Variants in CNTNAP4 observed in about 807,000 individuals in gnomAD.
The protein encoded by CNTNAP4 is contactin-associated protein-like 4.
Under a neutral mutation model 148.4 loss-of-function variants are expected in CNTNAP4, and 98 were observed. The ratio of observed to expected loss-of-function variants is 0.66; its 90% CI spans 0.56 to 0.78. The LOEUF is 0.78. Among genes scored for constraint, CNTNAP4 ranks in the 30% least tolerant of loss-of-function variants. CNTNAP4 has a pLI of 0.00. For missense variants in CNTNAP4, 1,935 were observed against 1,565.6 expected, an observed-to-expected ratio of 1.24 and a Z score of -3.98; for synonymous variants, 730 against 565.1, an observed-to-expected ratio of 1.29 and a Z score of -4.14.
intron 2 of CNTNAP4, among the ~76,000 whole-genome samples, chr16:76,333,779 G>GTTTTTTTTTT (rs549878036): frequency 4.4e-5 from 2 of 45,616 alleles, no homozygotes; most frequent in Non-Finnish European, 4.3e-5. Flanking sequence ...TGGGTTATAG[G>GTTTTTTTTTT]TTTTTTTTTT....
chr16:76,482,184 C>T (rs1470276047), intron 12 of CNTNAP4, among the ~76,000 whole-genome samples: 3 of 151,838 alleles, frequency 2.0e-5, no homozygotes, highest in Non-Finnish European at 4.4e-5. Context: ...ATTTCAGTAT[C>T]TTAATTGTAT....
intron 2 of CNTNAP4, among the ~76,000 whole-genome samples, chr16:76,323,937 CT>C (rs1326589799): frequency 1.3e-5 from 2 of 152,128 alleles, no homozygotes; most frequent in Non-Finnish European, 2.9e-5. Flanking sequence ...TTTTTACCCC[CT>C]GGGTAGAGGA....
At chr16:76,500,531 T>A (rs1208138176) in intron 15 of CNTNAP4, among the ~76,000 whole-genome samples, 3 of 152,110 alleles carry the variant, frequency 2.0e-5, no homozygotes, top group Non-Finnish European at 2.9e-5. Context: ...CTGTTAGGCC[T>A]GGGATGAAAT....
At chr16:76,306,890 T>C (rs1960532662) in intron 1 of CNTNAP4, among the ~76,000 whole-genome samples, 1 of 152,200 alleles carries the variant, frequency 6.6e-6, no homozygotes, top group Non-Finnish European at 1.5e-5. Context: ...CTGCACTTTA[T>C]AGGCAGAGGT....
At chr16:76,502,559 A>T (rs1186610831) in intron 15 of CNTNAP4, among the ~76,000 whole-genome samples, 2 of 152,174 alleles carry the variant, frequency 1.3e-5, no homozygotes, top group African/African-American at 4.8e-5. Flanking sequence ...TTCAGTTGAA[A>T]GCCTGATGAT....
intron 3 of CNTNAP4, among the ~76,000 whole-genome samples, chr16:76,365,093 G>A (rs201476378): frequency 5.9e-5 from 9 of 152,080 alleles, no homozygotes; most frequent in Non-Finnish European, 1.2e-4. Context: ...TTCTGCATAC[G>A]GCTAGCCAGT....
chr16:76,295,228 G>A (rs746229001), intron 1 of CNTNAP4, among the ~76,000 whole-genome samples: 10 of 152,110 alleles, frequency 6.6e-5, no homozygotes, highest in Non-Finnish European at 1.0e-4. Flanking sequence ...GAAAGAAGGC[G>A]GAAACACATG....
intron 1 of CNTNAP4, among the ~76,000 whole-genome samples, chr16:76,288,447 T>G (rs1397530008): frequency 2.0e-5 from 3 of 152,160 alleles, no homozygotes; most frequent in African/African-American, 7.2e-5. Flanking sequence ...TGTTGTTCCC[T>G]TTGCGTAAAT....
At chr16:76,494,245 G>A in intron 13 of CNTNAP4, among the ~76,000 whole-genome samples, 1 of 152,222 alleles carries the variant, frequency 6.6e-6, no homozygotes, top group Non-Finnish European at 1.5e-5. Flanking sequence ...AGGAAGAGAT[G>A]CATTTGGCTG....
chr16:76,328,741 G>A (rs764161122), intron 2 of CNTNAP4, among the ~76,000 whole-genome samples: 25 of 152,134 alleles, frequency 1.6e-4, no homozygotes, highest in Non-Finnish European at 2.9e-4. Context: ...CGCCTCCCAG[G>A]TTCAAGTGAT....
At chr16:76,393,724 G>A (rs535842666) in intron 3 of CNTNAP4, among the ~76,000 whole-genome samples, 1 of 152,238 alleles carries the variant, frequency 6.6e-6, no homozygotes, top group African/African-American at 2.4e-5. Context: ...TTGTGGGGCA[G>A]AGGGTATCCT....
chr16:76,430,141 G>A (rs899792468), intron 4 of CNTNAP4, among the ~76,000 whole-genome samples: 4 of 152,032 alleles, frequency 2.6e-5, no homozygotes, highest in African/African-American at 9.7e-5. Context: ...CATAGCATTG[G>A]CATTGCAATA....
intron 2 of CNTNAP4, among the ~76,000 whole-genome samples, chr16:76,344,173 G>C (rs891345087): frequency 6.6e-6 from 1 of 151,824 alleles, no homozygotes; most frequent in African/African-American, 2.4e-5. Flanking sequence ...TGTACACTGG[G>C]AACAGTGAAA....
intron 3 of CNTNAP4, among the ~76,000 whole-genome samples, chr16:76,401,723 C>G (rs1313211716): frequency 6.6e-6 from 1 of 152,000 alleles, no homozygotes; most frequent in African/African-American, 2.4e-5. Context: ...CCTTCAATAC[C>G]TAGTTTATTG....
At position 76,513,283 on chromosome 16, in the gene CNTNAP4, G is replaced by C. The variant is rs144397034; in HGVS notation, c.2366-7857G>C. ...TCTTTTCTTAGAGATTACTAGAAAA[G>C]TTAAAGAATGAGAAATGAGATGTAT... is the stretch of plus-strand genomic sequence containing the variant. On this transcript the variant is annotated intron_variant, in intron 15 of 23. Transcript: ENST00000611870. 3.8e-3 allele frequency among the ~76,000 whole-genome samples: 585 copies of C among 152,262 alleles called. 4 individuals are homozygous for C. Among genetic ancestry groups the C allele is most frequent in the Admixed American group, 6.1e-3 (93 of 15,290 alleles).
intron 8 of CNTNAP4, among the ~76,000 whole-genome samples, chr16:76,461,498 A>G (rs2080959568): frequency 6.6e-6 from 1 of 152,164 alleles, no homozygotes; most frequent in Non-Finnish European, 1.5e-5. Flanking sequence ...GTAAACTTTC[A>G]CTATTTATTA....
At chr16:76,434,900 G>A (rs1480657791) in intron 4 of CNTNAP4, among the ~76,000 whole-genome samples, 1 of 152,086 alleles carries the variant, frequency 6.6e-6, no homozygotes, top group Admixed American at 6.6e-5. Flanking sequence ...TTAATCACCT[G>A]ACCTCCATAA....
chr16:76,494,693 A>G (rs932458472), intron 13 of CNTNAP4, among the ~76,000 whole-genome samples: 1 of 152,210 alleles, frequency 6.6e-6, no homozygotes, highest in African/African-American at 2.4e-5. Context: ...AAACAAATGT[A>G]TTGGTCATTT....
At chr16:76,446,472 G>A (rs1322756677) in intron 4 of CNTNAP4, among the ~76,000 whole-genome samples, 2 of 152,028 alleles carry the variant, frequency 1.3e-5, no homozygotes, top group Non-Finnish European at 1.5e-5. Flanking sequence ...TCTTGTTCAG[G>A]TGCAACTGAT....
Sources: gnomAD v4.1 joint callset for allele counts (sites outside exome capture counted in the v4.1 genomes callset) on GRCh38, gnomAD v4.1.1 for gene constraint, MANE v1.5 for transcripts, NCBI Gene and HGNC (gene_info 2026-07-23, HGNC 2026-07-21) for gene names.